CNTN4: variants seen among roughly 807,000 people sequenced by gnomAD.
CNTN4 encodes contactin 4.
CNTN4 carries 77 observed loss-of-function variants against 122.5 expected under a neutral mutation model. That is an observed-to-expected ratio of 0.63 (90% CI 0.52 to 0.76). CNTN4 has a LOEUF of 0.76. Ranked by LOEUF, CNTN4 falls within the 30% of genes least tolerant of loss-of-function variation. The pLI is 0.00. For synonymous variants in CNTN4, 512 were observed against 447.0 expected (o/e 1.15, Z -1.83); for missense variants, 1,256 against 1,259.1 (o/e 1.00, Z 0.04).
intron 2 of CNTN4, among the ~76,000 whole-genome samples, chr3:2,330,085 T>A (rs1231595243): frequency 6.6e-6 from 1 of 152,162 alleles, no homozygotes; most frequent in Non-Finnish European, 1.5e-5. Flanking sequence ...CCAATTGATA[T>A]AAATTAGAGA....
intron 6 of CNTN4, among the ~76,000 whole-genome samples, chr3:2,781,268 C>T (rs1168720861): frequency 5.3e-5 from 8 of 152,106 alleles, no homozygotes; most frequent in African/African-American, 1.4e-4. Context: ...CCTTTTGAAA[C>T]TATGGAGAAA....
intron 3 of CNTN4, among the ~76,000 whole-genome samples, chr3:2,404,242 G>C (rs923806032): frequency 1.1e-4 from 16 of 152,128 alleles, no homozygotes; most frequent in African/African-American, 3.9e-4. Context: ...ACACAGCATG[G>C]ATCTCTGCTT....
chr3:2,355,228 C>T (rs1368737107), intron 3 of CNTN4, among the ~76,000 whole-genome samples: 2 of 152,146 alleles, frequency 1.3e-5, no homozygotes, highest in African/African-American at 4.8e-5. Flanking sequence ...GACAGTAATA[C>T]AGAATAGTAA....
intron 4 of CNTN4, among the ~76,000 whole-genome samples, chr3:2,660,940 G>T (rs1170480130): frequency 6.6e-6 from 1 of 152,158 alleles, no homozygotes; most frequent in Admixed American, 6.5e-5. Flanking sequence ...TCACAACTAG[G>T]CACCCCTCTA....
intron 3 of CNTN4, among the ~76,000 whole-genome samples, chr3:2,489,363 C>T (rs2076250259): frequency 6.6e-6 from 1 of 152,154 alleles, no homozygotes; most frequent in Admixed American, 6.5e-5. Flanking sequence ...ACCCATTTTA[C>T]TTATTTGAAT....
At chr3:2,130,595 A>G (rs2034404871) in intron 2 of CNTN4, among the ~76,000 whole-genome samples, 1 of 152,198 alleles carries the variant, frequency 6.6e-6, no homozygotes, top group Non-Finnish European at 1.5e-5. Context: ...CAATTTGCCT[A>G]TATAAGCAGT....
intron 4 of CNTN4, among the ~76,000 whole-genome samples, chr3:2,668,561 T>A (rs1222456196): frequency 1.3e-5 from 2 of 152,178 alleles, no homozygotes; most frequent in Non-Finnish European, 2.9e-5. Flanking sequence ...GACTTCCTCT[T>A]TTCCTAATTG....
chr3:2,286,242 C>CA lies in CNTN4; in HGVS notation c.-144-52936_-144-52935insA, dbSNP rs202109489. On this transcript the variant is annotated intron_variant, in intron 2 of 24. Coordinates refer to ENST00000418658, the MANE Select transcript of CNTN4 (RefSeq NM_175607.3). ...GTGTGTGCATACACCCCCTGCCCCC[C>CA]CCACAACATACACATACAAATACAT... is the stretch of plus-strand genomic sequence containing the variant. 1.1e-3 allele frequency among the ~76,000 whole-genome samples: 159 copies of CA among 139,494 alleles called. 1 individual carries two copies. The highest frequency in any genetic ancestry group is 3.8e-3 in the African/African-American group (151 of 40,136). 91.5% of individuals were successfully genotyped at this position (139,494 alleles called of 152,430 possible).
intron 3 of CNTN4, among the ~76,000 whole-genome samples, chr3:2,344,356 A>C (rs563521481): frequency 6.7e-6 from 1 of 150,232 alleles, no homozygotes; most frequent in Non-Finnish European, 1.5e-5. Flanking sequence ...GCTCACTGCA[A>C]CCTCTACCTC....
chr3:2,372,484 A>G (rs2045668973), intron 3 of CNTN4, among the ~76,000 whole-genome samples: 1 of 152,226 alleles, frequency 6.6e-6, no homozygotes, highest in Non-Finnish European at 1.5e-5. Flanking sequence ...AAGTATACAC[A>G]TTGTTCTAAA....
At chr3:2,667,333 G>T (rs1162761622) in intron 4 of CNTN4, among the ~76,000 whole-genome samples, 1 of 152,108 alleles carries the variant, frequency 6.6e-6, no homozygotes, top group African/African-American at 2.4e-5. Flanking sequence ...GCATTTCTCT[G>T]ATGGCCAGTG....
intron 3 of CNTN4, among the ~76,000 whole-genome samples, chr3:2,432,564 A>T (rs2048112517): frequency 6.6e-6 from 1 of 151,942 alleles, no homozygotes. Flanking sequence ...TTTAAAGCCA[A>T]ATAGTATTCC....
chr3:2,415,255 C>G (rs941638424), intron 3 of CNTN4, among the ~76,000 whole-genome samples: 1 of 152,176 alleles, frequency 6.6e-6, no homozygotes, highest in Admixed American at 6.5e-5. Flanking sequence ...AATGACCATT[C>G]AAGGAGCAAC....
At chr3:2,660,350 C>T (rs911816564) in intron 4 of CNTN4, among the ~76,000 whole-genome samples, 3 of 152,166 alleles carry the variant, frequency 2.0e-5, no homozygotes, top group Non-Finnish European at 4.4e-5. Flanking sequence ...ACTGTTATAT[C>T]AACCAAGTAT....
chr3:2,223,795 C>T (rs1482894822), intron 2 of CNTN4, among the ~76,000 whole-genome samples: 1 of 152,118 alleles, frequency 6.6e-6, no homozygotes, highest in South Asian at 2.1e-4. Context: ...AATGGCTTCC[C>T]GCTTTGACAC....
intron 13 of CNTN4, among the ~76,000 whole-genome samples, chr3:2,950,755 G>A (rs564831539): frequency 6.6e-6 from 1 of 152,266 alleles, no homozygotes; most frequent in East Asian, 1.9e-4. Flanking sequence ...AACTCTATAT[G>A]GAGACCTTCC....
At chr3:2,502,691 C>T (rs1575784636) in intron 3 of CNTN4, among the ~76,000 whole-genome samples, 1 of 152,090 alleles carries the variant, frequency 6.6e-6, no homozygotes, top group Non-Finnish European at 1.5e-5. Flanking sequence ...AGGCTTAGTC[C>T]ACCATATTGT....
At chr3:2,893,390 A>G (rs1363736050) in intron 10 of CNTN4, among the ~76,000 whole-genome samples, 2 of 152,236 alleles carry the variant, frequency 1.3e-5, no homozygotes, top group African/African-American at 4.8e-5. Context: ...AGGACAGAGT[A>G]ACCAAAGACT....
intron 2 of CNTN4, among the ~76,000 whole-genome samples, chr3:2,135,150 G>C (rs371670188): frequency 6.6e-6 from 1 of 152,144 alleles, no homozygotes; most frequent in Non-Finnish European, 1.5e-5. Context: ...AAAGGATGTG[G>C]CAGGGCCAGG....
Sources: gnomAD v4.1 joint callset for allele counts (sites outside exome capture counted in the v4.1 genomes callset) on GRCh38, gnomAD v4.1.1 for gene constraint, MANE v1.5 for transcripts, NCBI Gene and HGNC (gene_info 2026-07-23, HGNC 2026-07-21) for gene names.